The following ARPP21 variants were observed in gnomAD, a reference collection of about 807,000 sequenced individuals.
The protein encoded by ARPP21 is cAMP-regulated phosphoprotein 21.
In ARPP21, 69 loss-of-function variants were observed where a neutral mutation model predicts 113.2. The observed-to-expected ratio is 0.61, with a 90% confidence interval of 0.50 to 0.74. ARPP21 has a LOEUF of 0.74. Ranked by LOEUF, ARPP21 falls within the 30% of genes least tolerant of loss-of-function variation. The pLI, the probability that ARPP21 is intolerant of heterozygous loss-of-function variation, is 0.00. For synonymous variants in ARPP21, 368 were observed against 375.5 expected (o/e 0.98, Z 0.23); for missense variants, 1,070 against 1,037.4 (o/e 1.03, Z -0.43).
At chr3:35,668,277 G>C (rs1229014614) in intron 1 of ARPP21, among the ~76,000 whole-genome samples, 1 of 152,158 alleles carries the variant, frequency 6.6e-6, no homozygotes, top group Non-Finnish European at 1.5e-5. Flanking sequence ...AGCATTTTTA[G>C]TATTTGGATG....
chr3:35,664,184 G>A (rs528508532), intron 1 of ARPP21, among the ~76,000 whole-genome samples: 2 of 152,084 alleles, frequency 1.3e-5, no homozygotes, highest in East Asian at 3.9e-4. Context: ...TAATTGACAC[G>A]TACATATTTA....
chr3:35,652,765 CTGAACT>C lies in ARPP21; in HGVS notation c.-213+12370_-213+12375del, dbSNP rs144904138. On this transcript the variant is annotated intron_variant, in intron 1 of 20. Coordinates refer to ENST00000684406, the MANE Select transcript of ARPP21 (RefSeq NM_001385562.1). ...TACATGAAAGGAGTGTGATGTTTTT[CTGAACT>C]TGTTAGGGAAGCTACCATGTGGCCA... Among the ~76,000 whole-genome samples, 735 of 152,068 alleles carry C rather than the reference CTGAACT, an allele frequency of 4.8e-3. 4 individuals are homozygous for C. Among genetic ancestry groups the C allele is most frequent in the African/African-American group, 0.016 (657 of 41,514 alleles).
chr3:35,691,779 A>C (rs566653100), intron 9 of ARPP21, among the ~76,000 whole-genome samples: 28 of 151,732 alleles, frequency 1.8e-4, no homozygotes, highest in Non-Finnish European at 1.5e-5. Context: ...ATTTTATAAC[A>C]AAAGGCATGT....
intron 19 of ARPP21, among the ~76,000 whole-genome samples, chr3:35,756,403 C>T (rs1296079960): frequency 1.3e-5 from 2 of 152,094 alleles, no homozygotes; most frequent in East Asian, 1.9e-4. Flanking sequence ...CACAAACGTT[C>T]TTTGGGAGAG....
chr3:35,783,640 A>C (rs1403429168), intron 19 of ARPP21, among the ~76,000 whole-genome samples: 2 of 152,056 alleles, frequency 1.3e-5, no homozygotes, highest in Non-Finnish European at 2.9e-5. Flanking sequence ...TGTCTCATGG[A>C]GAAGTTTTAT....
At chr3:35,662,985 A>G (rs1245292070) in intron 1 of ARPP21, among the ~76,000 whole-genome samples, 2 of 152,136 alleles carry the variant, frequency 1.3e-5, no homozygotes, top group Non-Finnish European at 2.9e-5. Flanking sequence ...AGCAAGATAG[A>G]AGGAATAGAT....
chr3:35,789,409 C>T (rs909358499), intron 19 of ARPP21, among the ~76,000 whole-genome samples: 3 of 152,170 alleles, frequency 2.0e-5, no homozygotes, highest in Admixed American at 1.3e-4. Flanking sequence ...AAATGAGTAG[C>T]CCCAATTAAA....
intron 19 of ARPP21, among the ~76,000 whole-genome samples, chr3:35,756,538 G>GCA (rs10633777): frequency 1 from 152,174 of 152,174 alleles, 76,087 homozygotes; most frequent in Non-Finnish European, 1. Flanking sequence ...CTTCCTGGTG[G>GCA]GTGATAGTTT....
chr3:35,668,803 T>A (rs2075602534), intron 1 of ARPP21, among the ~76,000 whole-genome samples: 1 of 152,194 alleles, frequency 6.6e-6, no homozygotes, highest in South Asian at 2.1e-4. Flanking sequence ...TGTTTTGAGA[T>A]GCAACAGGAT....
intron 19 of ARPP21, among the ~76,000 whole-genome samples, chr3:35,751,793 T>C (rs2095413369): frequency 6.6e-6 from 1 of 152,090 alleles, no homozygotes. Context: ...ACAGAATTAA[T>C]GACAGATACA....
intron 1 of ARPP21, among the ~76,000 whole-genome samples, chr3:35,651,516 A>G (rs1337879234): frequency 1.3e-5 from 2 of 152,072 alleles, no homozygotes; most frequent in African/African-American, 2.4e-5. Context: ...CACTAATGCT[A>G]CCCAACAGGA....
At chr3:35,773,688 T>C (rs975558733) in intron 19 of ARPP21, among the ~76,000 whole-genome samples, 4 of 152,066 alleles carry the variant, frequency 2.6e-5, no homozygotes, top group Non-Finnish European at 5.9e-5. Flanking sequence ...CACTAAGGAG[T>C]TATAGTTCAT....
At chr3:35,787,880 T>C (rs1208829700) in intron 19 of ARPP21, among the ~76,000 whole-genome samples, 3 of 152,136 alleles carry the variant, frequency 2.0e-5, no homozygotes, top group African/African-American at 7.2e-5. Context: ...AACCACAATT[T>C]AAATTTTAGC....
Position 35,794,081 on chromosome 3 carries a change from A to G in ARPP21, c.*123A>G. 1 of 863,444 alleles carries G rather than the reference A, an allele frequency of 1.2e-6. No individual in the cohort carries two copies. The highest frequency in any genetic ancestry group is 1.7e-5 in the South Asian group (1 of 58,628). The allele number at this position is 863,444 out of a possible 1,614,324, so 53.5% of individuals were successfully genotyped here. A position where few individuals can be genotyped will look rare whatever the true frequency, so the allele number is the denominator to read the frequency against. ...CAACACTCAAATGATTGCTGCTGGTATTCTGTAAAAAATAAACAAAGACTA... is the reference window on the plus strand; with the variant it reads ...CAACACTCAAATGATTGCTGCTGGTGTTCTGTAAAAAATAAACAAAGACTA... On this transcript the variant is annotated 3_prime_UTR_variant, in exon 21 of 21. Transcript: ENST00000684406.
chr3:35,740,625 G>A (rs1156896561), intron 18 of ARPP21, among the ~76,000 whole-genome samples: 1 of 151,992 alleles, frequency 6.6e-6, no homozygotes. Context: ...CAGGAGAAAG[G>A]GCTTCATTAA....
At chr3:35,765,588 CA>C (rs1326625016) in intron 19 of ARPP21, among the ~76,000 whole-genome samples, 3 of 152,168 alleles carry the variant, frequency 2.0e-5, no homozygotes, top group Admixed American at 2.0e-4. Flanking sequence ...TCCACCATTC[CA>C]AACAAAGAGG....
chr3:35,746,534 A>G (rs73059296), intron 19 of ARPP21, among the ~76,000 whole-genome samples: 5,457 of 152,282 alleles, frequency 0.036, 126 homozygotes, highest in Non-Finnish European at 0.056. Flanking sequence ...TACTATCAGC[A>G]TGTCACCCTC....
chr3:35,673,561 T>A (rs2076839315), intron 1 of ARPP21, among the ~76,000 whole-genome samples: 1 of 151,998 alleles, frequency 6.6e-6, no homozygotes, highest in Non-Finnish European at 1.5e-5. Flanking sequence ...AGTATTGACA[T>A]AAAACAAAGA....
chr3:35,644,907 A>G (rs1220014895), intron 1 of ARPP21, among the ~76,000 whole-genome samples: 3 of 151,890 alleles, frequency 2.0e-5, no homozygotes, highest in Non-Finnish European at 4.4e-5. Flanking sequence ...CCCCCATTTA[A>G]TATACCTTTC....
Sources: gnomAD v4.1 joint callset for allele counts (sites outside exome capture counted in the v4.1 genomes callset) on GRCh38, gnomAD v4.1.1 for gene constraint, MANE v1.5 for transcripts, NCBI Gene and HGNC (gene_info 2026-07-23, HGNC 2026-07-21) for gene names.